Variants in CCDC66 observed in about 807,000 individuals in gnomAD.
CCDC66 encodes the protein coiled-coil domain-containing protein 66.
A neutral mutation model predicts 128.3 loss-of-function variants in CCDC66; 133 were observed. The ratio of observed to expected loss-of-function variants is 1.04; its 90% CI spans 0.90 to 1.20. The LOEUF is 1.20. Among genes scored for constraint, CCDC66 ranks in the 50% most tolerant of loss-of-function variants. The pLI is 0.00. For missense variants in CCDC66, 1,126 were observed against 1,075.5 expected, an observed-to-expected ratio of 1.05 and a Z score of -0.66; for synonymous variants, 387 against 357.0, an observed-to-expected ratio of 1.08 and a Z score of -0.95.
At chr3:56,596,732 A>T (rs1227620218) in intron 10 of CCDC66, among the ~76,000 whole-genome samples, 1 of 147,410 alleles carries the variant, frequency 6.8e-6, no homozygotes, top group Admixed American at 6.8e-5. Flanking sequence ...TTTGGGTCAT[A>T]CATTTAACTA....
chr3:56,600,369 A>G (rs1264842553), intron 10 of CCDC66, among the ~76,000 whole-genome samples: 1 of 151,792 alleles, frequency 6.6e-6, no homozygotes, highest in Non-Finnish European at 1.5e-5. Context: ...GGATGGTCTC[A>G]ATCTCCTGAC....
chr3:56,618,623 T>C, intron 15 of CCDC66: 1 of 167,094 alleles, frequency 6.0e-6, no homozygotes, highest in Non-Finnish European at 1.3e-5. Flanking sequence ...TCTTTGTGCA[T>C]GAACCAGCTG....
chr3:56,584,877 G>A (rs2069331436), intron 7 of CCDC66, among the ~76,000 whole-genome samples: 1 of 151,932 alleles, frequency 6.6e-6, no homozygotes, highest in South Asian at 2.1e-4. Context: ...ATCACTCACG[G>A]TTAGGAGCTG....
In CCDC66 at chr3:56,606,945, T is replaced by C. The variant is rs567335569; in HGVS notation, c.1405-6644T>C. Among the ~76,000 whole-genome samples, 43 of 152,310 alleles carry C rather than the reference T, an allele frequency of 2.8e-4. 1 individual carries two copies. Among genetic ancestry groups the C allele is most frequent in the African/African-American group, 9.9e-4 (41 of 41,568 alleles). ...TTTGTTTGCTTTGTCGAAGATCAGT[T>C]GGCTGTAAGTATTTGGGTTTATTTC... On this transcript the variant is annotated intron_variant, in intron 10 of 17. Coordinates refer to ENST00000394672, the MANE Select transcript of CCDC66 (RefSeq NM_001141947.3).
intron 7 of CCDC66, among the ~76,000 whole-genome samples, chr3:56,577,942 C>G (rs551734206): frequency 9.5e-4 from 144 of 151,840 alleles, no homozygotes; most frequent in Admixed American, 1.5e-3. Context: ...GTAGTTTTTT[C>G]CAATTCTGTG....
chr3:56,620,405 AAAAC>A (rs140521452), intron 17 of CCDC66: 1 of 153,330 alleles, frequency 6.5e-6, no homozygotes, highest in African/African-American at 2.4e-5. Context: ...CTCTCTGATT[AAAAC>A]AAACAGGTAA....
intron 7 of CCDC66, among the ~76,000 whole-genome samples, chr3:56,581,704 T>C (rs2068404053): frequency 6.6e-6 from 1 of 151,842 alleles, no homozygotes; most frequent in Non-Finnish European, 1.5e-5. Flanking sequence ...TGCCTGGGTA[T>C]CACCAGCGGA....
rs748331545 is a variant in CCDC66 at position 56,619,393 on chromosome 3, CAG to C, written c.2503_2504del (p.Glu835IlefsTer7). The C allele has an allele frequency of 2.9e-4, 474 of 1,613,942 alleles. 5 individuals carry two copies. The South Asian group carries it at 3.6e-3, about 12-fold the overall frequency. On this transcript the variant is annotated frameshift_variant, in exon 16 of 18. Coordinates refer to ENST00000394672, the MANE Select transcript of CCDC66 (RefSeq NM_001141947.3). LOFTEE classifies it high-confidence loss of function. ...AATTTGATCTCAGGAAGTAATCAAA[CAG>C]AATTATCATCTGGGATTTCTGAATC...
intron 10 of CCDC66, among the ~76,000 whole-genome samples, chr3:56,606,724 T>TCGGC (rs2074126456): frequency 6.6e-6 from 1 of 151,430 alleles, no homozygotes; most frequent in Admixed American, 6.6e-5. Flanking sequence ...CTCTTCCTAT[T>TCGGC]CGGCCATCTT....
chr3:56,560,104 A>C (rs924416179), intron 3 of CCDC66, among the ~76,000 whole-genome samples: 3 of 152,238 alleles, frequency 2.0e-5, no homozygotes, highest in Middle Eastern at 3.2e-3. Flanking sequence ...TTTAATTCAC[A>C]AATTGTAGCA....
intron 7 of CCDC66, among the ~76,000 whole-genome samples, chr3:56,579,031 G>C (rs566625093): frequency 1.3e-5 from 2 of 151,850 alleles, no homozygotes; most frequent in African/African-American, 4.8e-5. Context: ...CTGTGAATCC[G>C]TTTGGTCCTG....
chr3:56,616,405 G>C (rs565601079), intron 13 of CCDC66: 5 of 240,224 alleles, frequency 2.1e-5, no homozygotes, highest in Admixed American at 1.8e-4. Flanking sequence ...GACATTTCAC[G>C]TAACTGGAAT....
intron 7 of CCDC66, among the ~76,000 whole-genome samples, chr3:56,587,868 A>C (rs1028754765): frequency 4.6e-5 from 7 of 152,208 alleles, no homozygotes; most frequent in African/African-American, 1.7e-4. Context: ...CCGTCTCAAA[A>C]AATAAAAGTA....
intron 3 of CCDC66, among the ~76,000 whole-genome samples, chr3:56,560,668 C>T (rs1453211101): frequency 1.3e-5 from 2 of 152,050 alleles, no homozygotes; most frequent in African/African-American, 2.4e-5. Flanking sequence ...TGTAGTGAGC[C>T]GAGATCGCAC....
intron 6 of CCDC66, among the ~76,000 whole-genome samples, chr3:56,567,793 C>G (rs1029765843): frequency 1.3e-5 from 2 of 152,016 alleles, no homozygotes; most frequent in African/African-American, 4.8e-5. Flanking sequence ...CCCGGGTTCA[C>G]GCCATTCTGC....
chr3:56,558,953 C>T, intron 2 of CCDC66, 43 bp downstream of exon 2: 2 of 1,346,044 alleles, frequency 1.5e-6, no homozygotes, highest in Non-Finnish European at 2.0e-6. Context: ...CTTTTAAATT[C>T]ATACATAAAA....
At chr3:56,580,699 G>A (rs957550008) in intron 7 of CCDC66, among the ~76,000 whole-genome samples, 2 of 151,842 alleles carry the variant, frequency 1.3e-5, no homozygotes, top group African/African-American at 2.4e-5. Context: ...GAAATTCTGG[G>A]TTGAAAATTC....
chr3:56,580,830 G>T (rs2068235248), intron 7 of CCDC66, among the ~76,000 whole-genome samples: 1 of 151,732 alleles, frequency 6.6e-6, no homozygotes, highest in African/African-American at 2.4e-5. Flanking sequence ...TTTCTCTCTG[G>T]CTGCCCTTAA....
rs1404611994 is a variant in CCDC66 at position 56,617,254 on chromosome 3, AACTC to A, written c.1988_1991del (p.Thr663ArgfsTer7). On this transcript the variant is annotated frameshift_variant, in exon 14 of 18. Transcript: ENST00000394672. LOFTEE classifies it high-confidence loss of function. Reference sequence around the variant, plus strand: ...GCACCAAGAAAAACAAGCAAGAACTAACTCAGGATAAAGGAGCCAGCTTAGAAAA... The same window carrying A: ...GCACCAAGAAAAACAAGCAAGAACTAAGGATAAAGGAGCCAGCTTAGAAAA... 1.2e-6 allele frequency: 2 copies of A among 1,614,090 alleles called. No homozygotes were observed. Among genetic ancestry groups the A allele is most frequent in the Non-Finnish European group, 1.7e-6 (2 of 1,179,994 alleles).
Sources: allele counts gnomAD v4.1 joint callset (sites outside exome capture counted in the v4.1 genomes callset), GRCh38; gene constraint gnomAD v4.1.1; transcripts MANE v1.5; gene names NCBI Gene and HGNC (gene_info 2026-07-23, HGNC 2026-07-21).